Variants in FGF14 observed in about 807,000 individuals in gnomAD.
The protein encoded by FGF14 is fibroblast growth factor 14, also known as fibroblast growth factor homologous factor 4.
FGF14 carries 5 observed loss-of-function variants against 25.5 expected under a neutral mutation model. That is an observed-to-expected ratio of 0.20 (90% CI 0.10 to 0.41). FGF14 has a LOEUF of 0.41. Among genes scored for constraint, FGF14 ranks in the 10% least tolerant of loss-of-function variants. The pLI is 1.00. For missense variants in FGF14, 222 were observed against 320.1 expected, an observed-to-expected ratio of 0.69 and a Z score of 2.34; for synonymous variants, 138 against 118.3, an observed-to-expected ratio of 1.17 and a Z score of -1.08.
Position 102,401,588 on chromosome 13 carries a change from G to A in FGF14, c.91C>T (p.Leu31=), listed in dbSNP as rs144331271. 17 of 1,614,030 alleles carry A rather than the reference G, an allele frequency of 1.1e-5. No individual in the cohort carries two copies. The African/African-American group carries it at 2.0e-4, about 19-fold the overall frequency. Residue 31 remains leucine, a synonymous_variant, in exon 1 of 5, where the codon CTG becomes TTG. Coordinates refer to the FGF14 transcript ENST00000376131. ...GATTTGGGCGAAAAGCAATCCAGCAGCTTAGACACCCTGAGAAAGAAGAGA... is the reference window on the plus strand; with the variant it reads ...GATTTGGGCGAAAAGCAATCCAGCAACTTAGACACCCTGAGAAAGAAGAGA...
rs1032029077 is a variant in FGF14 at position 102,314,928 on chromosome 13, T to C, written c.208+86543A>G. Among the ~76,000 whole-genome samples, 4 of 149,096 alleles carry C rather than the reference T, an allele frequency of 2.7e-5. No homozygotes were observed. The Admixed American group carries it at 2.7e-4, about 10-fold the overall frequency. On this transcript the variant is annotated intron_variant, in intron 1 of 4. Transcript: ENST00000376131. ...TATATATAAAAATACATAATAAATG[T>C]ACAAAATTATACATATTATATTAAT...
intron 1 of FGF14, among the ~76,000 whole-genome samples, chr13:102,089,657 C>T (rs4771416): frequency 0.39 from 59,196 of 152,028 alleles, 13,538 homozygotes; most frequent in Non-Finnish European, 0.51. Flanking sequence ...ACACAATGTA[C>T]GTAAGGGGGC....
chr13:101,751,750 C>T (rs1309818243), intron 3 of FGF14, among the ~76,000 whole-genome samples: 1 of 152,088 alleles, frequency 6.6e-6, no homozygotes, highest in East Asian at 1.9e-4. Flanking sequence ...GCAGTTGAGA[C>T]CATCTGACCC....
chr13:102,180,343 C>T (rs2048618451), intron 1 of FGF14, among the ~76,000 whole-genome samples: 1 of 152,074 alleles, frequency 6.6e-6, no homozygotes, highest in Non-Finnish European at 1.5e-5. Context: ...GACAGAGTCT[C>T]ACTCTGTCAC....
intron 1 of FGF14, among the ~76,000 whole-genome samples, chr13:102,003,770 CT>C (rs1201494831): frequency 6.6e-6 from 1 of 151,608 alleles, no homozygotes; most frequent in Non-Finnish European, 1.5e-5. Flanking sequence ...CCTTTGACAG[CT>C]TTCTTCTGGT....
rs773861486 is a variant in FGF14 at position 102,140,835 on chromosome 13, G to A, written c.208+260636C>T. Among the ~76,000 whole-genome samples the A allele has an allele frequency of 9.2e-5, 14 of 152,136 alleles. 1 individual carries two copies. The highest frequency in any genetic ancestry group is 1.3e-4 in the Non-Finnish European group (9 of 68,010). On this transcript the variant is annotated intron_variant, in intron 1 of 4. Coordinates refer to the FGF14 transcript ENST00000376131. ...CCTTGTTGTATTGTCGTATTACTTC[G>A]GCAAAAAGTGATAGAAACTAAACTC...
chr13:101,997,293 T>C (rs1177879690), intron 1 of FGF14, among the ~76,000 whole-genome samples: 2 of 151,340 alleles, frequency 1.3e-5, no homozygotes, highest in African/African-American at 4.9e-5. Flanking sequence ...AAATAAAAAT[T>C]AAATGAATGG....
intron 1 of FGF14, among the ~76,000 whole-genome samples, chr13:102,151,915 T>TA (rs1322255820): frequency 6.6e-6 from 1 of 152,204 alleles, no homozygotes; most frequent in African/African-American, 2.4e-5. Flanking sequence ...TAGTATTTCA[T>TA]AAATGTTAGC....
chr13:102,401,828 A>C (rs1403110782), upstream of FGF14: 3 of 719,888 alleles, frequency 4.2e-6, no homozygotes, highest in Admixed American at 4.8e-5. Context: ...AAAGGGTTGG[A>C]GAAAAAATCC....
intron 3 of FGF14, among the ~76,000 whole-genome samples, chr13:101,740,850 A>G (rs1442382490): frequency 6.6e-6 from 1 of 152,148 alleles, no homozygotes; most frequent in African/African-American, 2.4e-5. Flanking sequence ...AAATTACTTC[A>G]GAAATCTTCA....
At chr13:102,190,811 C>G (rs1056623998) in intron 1 of FGF14, among the ~76,000 whole-genome samples, 2 of 152,112 alleles carry the variant, frequency 1.3e-5, no homozygotes, top group Non-Finnish European at 2.9e-5. Context: ...AACTAACCAA[C>G]AGAGAAATTC....
intron 1 of FGF14, among the ~76,000 whole-genome samples, chr13:102,335,004 TC>T (rs2056750332): frequency 6.6e-6 from 1 of 152,104 alleles, no homozygotes; most frequent in African/African-American, 2.4e-5. Flanking sequence ...CATTGTCACA[TC>T]TTCTGCTTTT....
intron 1 of FGF14, among the ~76,000 whole-genome samples, chr13:102,159,905 G>GA (rs2047542884): frequency 6.6e-6 from 1 of 152,188 alleles, no homozygotes; most frequent in Admixed American, 6.5e-5. Flanking sequence ...GTATGCCACT[G>GA]AAAAATAGTT....
intron 1 of FGF14, among the ~76,000 whole-genome samples, chr13:102,074,956 A>G (rs1306234924): frequency 1.3e-5 from 2 of 152,238 alleles, no homozygotes; most frequent in Non-Finnish European, 2.9e-5. Flanking sequence ...TGGCAAGCTC[A>G]CAGCTAACAT....
intron 1 of FGF14, among the ~76,000 whole-genome samples, chr13:101,954,975 A>C (rs2036423933): frequency 2.0e-5 from 3 of 152,216 alleles, no homozygotes; most frequent in Admixed American, 2.0e-4. Context: ...TGAAATGAAG[A>C]CTATTTCCAA....
chr13:102,245,860 G>T (rs1320580668), intron 1 of FGF14, among the ~76,000 whole-genome samples: 1 of 152,022 alleles, frequency 6.6e-6, no homozygotes, highest in South Asian at 2.1e-4. Flanking sequence ...CTGCGTGCAA[G>T]ACAGATCAAG....
chr13:101,798,643 T>C (rs1267378471), intron 3 of FGF14, among the ~76,000 whole-genome samples: 2 of 152,154 alleles, frequency 1.3e-5, no homozygotes, highest in Admixed American at 6.6e-5. Flanking sequence ...TTGCTATGAA[T>C]AGGCTAATAC....
chr13:101,801,887 G>A (rs1424126142), intron 3 of FGF14: 2 of 385,988 alleles, frequency 5.2e-6, no homozygotes, highest in Non-Finnish European at 1.0e-5. Context: ...GATGGCTAAA[G>A]GTGACACCAA....
At chr13:102,353,519 G>A (rs183177084) in intron 1 of FGF14, among the ~76,000 whole-genome samples, 2 of 152,208 alleles carry the variant, frequency 1.3e-5, no homozygotes, top group East Asian at 1.9e-4. Context: ...TCTTCTCCAC[G>A]GAAGTTCCTC....
Sources: gnomAD v4.1 joint callset for allele counts (sites outside exome capture counted in the v4.1 genomes callset) on GRCh38, gnomAD v4.1.1 for gene constraint, MANE v1.5 for transcripts, NCBI Gene and HGNC (gene_info 2026-07-23, HGNC 2026-07-21) for gene names.